Variants in FHIT observed in about 807,000 individuals in gnomAD.
FHIT encodes bis(5'-adenosyl)-triphosphatase.
Under a neutral mutation model 17.9 loss-of-function variants are expected in FHIT, and 19 were observed. The ratio of observed to expected loss-of-function variants is 1.06; its 90% confidence interval spans 0.74 to 1.56. The LOEUF is 1.56. FHIT is among the 40% of genes most tolerant of loss of function. The pLI is 0.00. For missense variants in FHIT, 248 were observed against 189.2 expected, an observed-to-expected ratio of 1.31 and a Z score of -1.82; for synonymous variants, 81 against 69.7, an observed-to-expected ratio of 1.16 and a Z score of -0.81.
intron 4 of FHIT, among the ~76,000 whole-genome samples, chr3:60,556,303 G>A (rs913314399): frequency 2.6e-5 from 4 of 152,186 alleles, no homozygotes; most frequent in African/African-American, 9.7e-5. Context: ...AGATGCAGAG[G>A]AGACAGAAAG....
intron 4 of FHIT, among the ~76,000 whole-genome samples, chr3:60,814,071 TTTTA>T (rs1459460586): frequency 1.3e-5 from 2 of 152,186 alleles, no homozygotes; most frequent in Non-Finnish European, 2.9e-5. Context: ...ATTTATTTAT[TTTTA>T]TTTGTTTGGT....
Position 60,013,992 on chromosome 3 carries a change from A to T in FHIT, c.249+15T>A. 1 of 1,612,746 alleles carries T rather than the reference A, an allele frequency of 6.2e-7. No homozygotes were observed. Among genetic ancestry groups the T allele is most frequent in the African/African-American group, 1.3e-5 (1 of 74,986 alleles). ...AAGGGAAGAAAAATCATTTCTGAGA[A>T]ATCTGTACACTCACCTGCATGGAAA... is the stretch of plus-strand genomic sequence containing the variant. On this transcript the variant is annotated intron_variant, in intron 6 of 9. Transcript: ENST00000492590.
At chr3:60,596,819 CCAT>C (rs1274486359) in intron 4 of FHIT, among the ~76,000 whole-genome samples, 2 of 152,062 alleles carry the variant, frequency 1.3e-5, no homozygotes, top group African/African-American at 4.8e-5. Flanking sequence ...CTGGCTCTTA[CCAT>C]CATCATCAAG....
chr3:60,839,237 T>C (rs1194075567), intron 3 of FHIT, among the ~76,000 whole-genome samples: 4 of 152,186 alleles, frequency 2.6e-5, no homozygotes, highest in Non-Finnish European at 5.9e-5. Context: ...AGCTTTTCCA[T>C]GAATTATTAA....
Position 59,937,084 on chromosome 3 carries a change from G to A in FHIT, c.280-14670C>T, listed in dbSNP as rs142914068. On this transcript the variant is annotated intron_variant, in intron 7 of 9. Coordinates refer to ENST00000492590, the MANE Select transcript of FHIT (RefSeq NM_002012.4). ...AAAAGCCTATGCTGAGCTTTATGTC[G>A]ATGGTGTCACACATTATTTTCAGTG... 7.8e-3 allele frequency among the ~76,000 whole-genome samples: 1,195 copies of A among 152,248 alleles called. 29 individuals are homozygous for A. The highest frequency in any genetic ancestry group is 0.037 in the Middle Eastern group (11 of 294).
intron 7 of FHIT, among the ~76,000 whole-genome samples, chr3:59,987,066 A>ATACAT (rs1553641919): frequency 1.4e-5 from 1 of 69,476 alleles, no homozygotes; most frequent in Non-Finnish European, 4.2e-5. Flanking sequence ...AAATATATCT[A>ATACAT]TATATATCTA....
chr3:61,216,194 G>A (rs1231512231), intron 1 of FHIT, among the ~76,000 whole-genome samples: 2 of 152,174 alleles, frequency 1.3e-5, no homozygotes, highest in Non-Finnish European at 2.9e-5. Context: ...ACTACCATCA[G>A]AGTGAACAGG....
intron 5 of FHIT, among the ~76,000 whole-genome samples, chr3:60,277,757 T>C (rs527277503): frequency 1.3e-5 from 2 of 151,566 alleles, no homozygotes; most frequent in African/African-American, 2.4e-5. Context: ...GCTGTTCTCC[T>C]TTCTCTTTCT....
At chr3:60,494,117 T>A (rs1395485995) in intron 5 of FHIT, among the ~76,000 whole-genome samples, 1 of 152,192 alleles carries the variant, frequency 6.6e-6, no homozygotes, top group Non-Finnish European at 1.5e-5. Flanking sequence ...ATTTTGTACA[T>A]TCACAATGTC....
intron 5 of FHIT, among the ~76,000 whole-genome samples, chr3:60,237,708 T>C (rs1704880324): frequency 1.3e-5 from 2 of 152,172 alleles, no homozygotes; most frequent in Non-Finnish European, 2.9e-5. Flanking sequence ...TCCACTGTTA[T>C]TGCTTCTTGG....
chr3:60,567,437 C>T (rs1274141050), intron 4 of FHIT, among the ~76,000 whole-genome samples: 1 of 152,124 alleles, frequency 6.6e-6, no homozygotes, highest in Admixed American at 6.6e-5. Flanking sequence ...CTTCCTTACA[C>T]CTTATACAAA....
intron 3 of FHIT, among the ~76,000 whole-genome samples, chr3:60,837,056 C>T (rs140059528): frequency 5.9e-4 from 90 of 152,202 alleles, no homozygotes; most frequent in Non-Finnish European, 1.0e-3. Context: ...TTTTAACTAG[C>T]CACTTTGAAG....
intron 5 of FHIT, among the ~76,000 whole-genome samples, chr3:60,134,200 T>G (rs918900709): frequency 6.6e-5 from 10 of 152,032 alleles, no homozygotes; most frequent in African/African-American, 2.2e-4. Flanking sequence ...CCTAATGGAG[T>G]TGGGCCAAGG....
rs1559862189 is a variant in FHIT at position 60,955,606 on chromosome 3, A to ACATATG, written c.-111+86440_-111+86441insCATATG. Among the ~76,000 whole-genome samples, 58 of 7,084 alleles carry ACATATG rather than the reference A, an allele frequency of 8.2e-3. 1 individual carries two copies. Among genetic ancestry groups the ACATATG allele is most frequent in the Middle Eastern group, 0.083 (1 of 12 alleles). The allele number at this position is 7,084 out of a possible 152,430, so 4.6% of individuals were successfully genotyped here. On this transcript the variant is annotated intron_variant, in intron 3 of 9. Coordinates refer to ENST00000492590, the MANE Select transcript of FHIT (RefSeq NM_002012.4). ...CTTAGGCATATATATACATATATAT[A>ACATATG]TATATATATATATATATATATATAT...
chr3:60,201,900 T>A (rs1242713073), intron 5 of FHIT, among the ~76,000 whole-genome samples: 2 of 152,076 alleles, frequency 1.3e-5, no homozygotes, highest in Non-Finnish European at 2.9e-5. Context: ...TTTTGTTACA[T>A]TAGCTCAGCA....
chr3:60,959,633 G>A (rs943788755), intron 3 of FHIT, among the ~76,000 whole-genome samples: 2 of 152,058 alleles, frequency 1.3e-5, no homozygotes, highest in Non-Finnish European at 2.9e-5. Flanking sequence ...GAGAGAAAAT[G>A]AAGCCACTGG....
chr3:59,769,762 T>A lies in FHIT; in HGVS notation c.349-17441A>T, dbSNP rs187280857. ...TTTTTTTTTTTGAAAAAAATGGCCA[T>A]CTGATAATTACTTTGGTTTCAAAAT... On this transcript the variant is annotated intron_variant, in intron 8 of 9. Coordinates refer to ENST00000492590, the MANE Select transcript of FHIT (RefSeq NM_002012.4). Among the ~76,000 whole-genome samples the A allele has an allele frequency of 8.6e-5, 13 of 150,660 alleles. No individual in the cohort carries two copies. In the East Asian group the frequency reaches 2.5e-3, roughly 30 times the overall value.
intron 2 of FHIT, among the ~76,000 whole-genome samples, chr3:61,129,642 G>A (rs1342483101): frequency 2.6e-5 from 4 of 152,146 alleles, no homozygotes; most frequent in East Asian, 1.9e-4. Flanking sequence ...CAAGATCTTC[G>A]AAGCTTAGAG....
intron 2 of FHIT, among the ~76,000 whole-genome samples, chr3:61,107,902 A>G (rs1475746655): frequency 6.6e-6 from 1 of 152,212 alleles, no homozygotes; most frequent in Non-Finnish European, 1.5e-5. Context: ...AGTTGGCTAC[A>G]TTTGATTGGC....
Sources: allele counts gnomAD v4.1 joint callset (sites outside exome capture counted in the v4.1 genomes callset), GRCh38; gene constraint gnomAD v4.1.1; transcripts MANE v1.5; gene names NCBI Gene and HGNC (gene_info 2026-07-23, HGNC 2026-07-21).